The following ZNF611 variants were observed in gnomAD, a reference collection of about 807,000 sequenced individuals.
ZNF611 encodes zinc finger protein 611.
A neutral mutation model predicts 8.9 loss-of-function variants in ZNF611; 6 were observed. The observed-to-expected ratio is 0.68, with a 90% CI of 0.37 to 1.34. The LOEUF is 1.34. ZNF611 is among the 40% of genes most tolerant of loss of function. The pLI is 0.02. For synonymous variants in ZNF611, 262 were observed against 279.7 expected (o/e 0.94, Z 0.63); for missense variants, 874 against 841.3 (o/e 1.04, Z -0.48).
At chr19:52,709,617 G>A (rs2062267225) in intron 5 of ZNF611, among the ~76,000 whole-genome samples, 1 of 150,782 alleles carries the variant, frequency 6.6e-6, no homozygotes, top group South Asian at 2.1e-4. Flanking sequence ...GCCCAGGCTG[G>A]AGTGCAATAG....
chr19:52,734,187 G>GT (rs532673029), intron 1 of ZNF611, among the ~76,000 whole-genome samples: 1,187 of 84,604 alleles, frequency 0.014, 11 homozygotes, highest in Middle Eastern at 0.034. Flanking sequence ...GCTTTCTTAG[G>GT]TTTTTTTTTT....
chr19:52,722,007 GC>G (rs1192988955), intron 3 of ZNF611, among the ~76,000 whole-genome samples: 4 of 152,014 alleles, frequency 2.6e-5, no homozygotes, highest in Non-Finnish European at 5.9e-5. Context: ...CCAAGATTGT[GC>G]CATTGCACTC....
chr19:52,706,928 A>G (rs2062249988), intron 5 of ZNF611, 64 bp from the exon 6 acceptor site: 2 of 1,538,314 alleles, frequency 1.3e-6, no homozygotes, highest in African/African-American at 1.4e-5. Flanking sequence ...ACTGAAGTGC[A>G]TAAATATGAC....
Position 52,706,015 on chromosome 19 carries a change from TC to T in ZNF611, c.1039del (p.Glu347AsnfsTer152). On this transcript the variant is annotated frameshift_variant, in exon 6 of 6. Transcript: ENST00000652185. LOFTEE classifies it low-confidence loss of function (END_TRUNC). ...TTGTTGATTAAAAGCCTTGTCACAT[TC>T]ATTACACTTGTAAGGATTTTCTCCA... ...DTGENPYKCN[E>X]CDKAFNQQSQ... 6.2e-7 allele frequency: 1 copy of T among 1,614,206 alleles called. No homozygotes were observed. The highest frequency in any genetic ancestry group is 8.5e-7 in the Non-Finnish European group (1 of 1,180,036).
At chr19:52,717,441 AG>A (rs565582371) in intron 3 of ZNF611, among the ~76,000 whole-genome samples, 2 of 152,198 alleles carry the variant, frequency 1.3e-5, no homozygotes, top group Admixed American at 6.5e-5. Context: ...GCCCTGAGAC[AG>A]GAGCAACCTC....
intron 3 of ZNF611, among the ~76,000 whole-genome samples, chr19:52,726,141 C>T (rs7260293): frequency 0.65 from 98,503 of 152,114 alleles, 32,472 homozygotes; most frequent in African/African-American, 0.77. Flanking sequence ...AGGGAGAGTC[C>T]ACCCTGTGCT....
chr19:52,716,417 T>C (rs902304461), intron 3 of ZNF611, among the ~76,000 whole-genome samples: 3 of 152,180 alleles, frequency 2.0e-5, no homozygotes, highest in Non-Finnish European at 4.4e-5. Context: ...ATGCCTCGAC[T>C]CTAACGTGAA....
In ZNF611 at chr19:52,725,432, A is replaced by G. The variant is rs143694965; in HGVS notation, c.-20+3298T>C. On this transcript the variant is annotated intron_variant, in intron 3 of 5. Coordinates refer to ENST00000652185, the MANE Select transcript of ZNF611 (RefSeq NM_001161499.2). ...GCGGGAATCCAGCGCACGGGTGAGG[A>G]CTTTAAAAAGCAAGGGGCAGGATGA... Among the ~76,000 whole-genome samples, 721 of 152,292 alleles carry G rather than the reference A, an allele frequency of 4.7e-3. 5 individuals carry two copies. The highest frequency in any genetic ancestry group is 0.016 in the African/African-American group (682 of 41,568).
intron 2 of ZNF611, among the ~76,000 whole-genome samples, chr19:52,729,533 AG>A: frequency 6.6e-6 from 1 of 151,314 alleles, no homozygotes. Flanking sequence ...AGAAAGAAAA[AG>A]AAAACAATGT....
chr19:52,726,507 A>G (rs1355220063), intron 3 of ZNF611, among the ~76,000 whole-genome samples: 11 of 151,580 alleles, frequency 7.3e-5, no homozygotes, highest in Non-Finnish European at 1.5e-4. Context: ...TGCAAGCTCC[A>G]CCTCCCGGGT....
At position 52,705,988 on chromosome 19, in the gene ZNF611, G is replaced by A; in HGVS notation, c.1067C>T (p.Ser356Leu). ...NECDKAFNQQ[S>L]QLSHHRIHTG... is the part of the protein sequence containing the mutation. Reference sequence around the variant, plus strand: ...ATGAATTCTATGATGTGAAAGTTGTGATTGTTGATTAAAAGCCTTGTCACA... The same window carrying A: ...ATGAATTCTATGATGTGAAAGTTGTAATTGTTGATTAAAAGCCTTGTCACA... The change falls in exon 6 of 6, where the codon TCA becomes TTA. Residue 356 changes from serine to leucine, a missense_variant. Physicochemically the swap from Ser to Leu is moderately radical, Grantham distance 145. Coordinates refer to ENST00000652185, the MANE Select transcript of ZNF611 (RefSeq NM_001161499.2). 1 of 1,614,108 alleles carries A rather than the reference G, an allele frequency of 6.2e-7. No individual in the cohort carries two copies. Among genetic ancestry groups the A allele is most frequent in the Middle Eastern group, 1.6e-4 (1 of 6,062 alleles).
At chr19:52,713,407 T>C (rs1023217614) in intron 5 of ZNF611, among the ~76,000 whole-genome samples, 5 of 152,210 alleles carry the variant, frequency 3.3e-5, no homozygotes, top group South Asian at 4.1e-4. Flanking sequence ...GTGACACATA[T>C]TGGTGTGAAA....
chr19:52,730,826 C>T (rs1018144862), intron 1 of ZNF611, among the ~76,000 whole-genome samples: 3 of 152,188 alleles, frequency 2.0e-5, no homozygotes, highest in South Asian at 4.2e-4. Flanking sequence ...TCAGGTGATT[C>T]ACCCGCATCA....
Position 52,705,993 on chromosome 19 carries a change from T to C in ZNF611, c.1062A>G (p.Gln354=), listed in dbSNP as rs1197890629. The C allele has an allele frequency of 1.2e-6, 2 of 1,614,174 alleles. No homozygotes were observed. Among genetic ancestry groups the C allele is most frequent in the South Asian group, 1.1e-5 (1 of 91,084 alleles). Residue 354 remains glutamine, a synonymous_variant, in exon 6 of 6, where the codon CAA becomes CAG. Transcript: ENST00000652185. The part of the protein sequence containing the change: ...KCNECDKAFN[Q]QSQLSHHRIH... ...TTCTATGATGTGAAAGTTGTGATTGTTGATTAAAAGCCTTGTCACATTCAT... is the reference window on the plus strand; with the variant it reads ...TTCTATGATGTGAAAGTTGTGATTGCTGATTAAAAGCCTTGTCACATTCAT...
Position 52,727,560 on chromosome 19 carries a change from A to C in ZNF611, c.-20+1170T>G, listed in dbSNP as rs185800323. Among the ~76,000 whole-genome samples, 7 of 152,272 alleles carry C rather than the reference A, an allele frequency of 4.6e-5. No homozygotes were observed. In the East Asian group the frequency reaches 1.2e-3, roughly 25 times the overall value. On this transcript the variant is annotated intron_variant, in intron 3 of 5. Transcript: ENST00000652185. Reference sequence around the variant, plus strand: ...GGGAGAAACCCTAACACTAACCCTAACACAAAAATTAGCTGGACGTGGTGG... The same window carrying C: ...GGGAGAAACCCTAACACTAACCCTACCACAAAAATTAGCTGGACGTGGTGG...
At chr19:52,732,370 T>C (rs371277896) in intron 1 of ZNF611, among the ~76,000 whole-genome samples, 1 of 76,402 alleles carries the variant, frequency 1.3e-5, no homozygotes, top group Admixed American at 1.2e-4. Context: ...TGAGTTATTC[T>C]GAATAACTCA....
At position 52,728,749 on chromosome 19, in the gene ZNF611, C is replaced by G. The variant is rs1465597722; in HGVS notation, c.-39G>C. On this transcript the variant is annotated 5_prime_UTR_variant, in exon 3 of 6. Transcript: ENST00000652185. Reference sequence around the variant, plus strand: ...ACTCACCCAAGCTGGAGTGTGGTGGCAAAAACAGGGCTCACTGCAGCCTTC... The same window carrying G: ...ACTCACCCAAGCTGGAGTGTGGTGGGAAAAACAGGGCTCACTGCAGCCTTC... The G allele has an allele frequency of 2.6e-5, 4 of 153,904 alleles. No individual in the cohort carries two copies. The highest frequency in any genetic ancestry group is 4.8e-5 in the African/African-American group (2 of 41,426). 9.5% of individuals were successfully genotyped at this position (153,904 alleles called of 1,614,324 possible). A position where few individuals can be genotyped will look rare whatever the true frequency, so the allele number is the denominator to read the frequency against.
chr19:52,727,367 G>A (rs536601395), intron 3 of ZNF611, among the ~76,000 whole-genome samples: 11 of 152,174 alleles, frequency 7.2e-5, no homozygotes, highest in South Asian at 2.1e-4. Context: ...AGAAAGAAAC[G>A]TCACTGTTAC....
At chr19:52,730,515 T>A (rs1210649550) in intron 1 of ZNF611, among the ~76,000 whole-genome samples, 2 of 151,046 alleles carry the variant, frequency 1.3e-5, no homozygotes, top group Admixed American at 1.3e-4. Flanking sequence ...AGATGGGGCC[T>A]GTGAGAGAAT....
Sources: allele counts gnomAD v4.1 joint callset (sites outside exome capture counted in the v4.1 genomes callset), GRCh38; gene constraint gnomAD v4.1.1; transcripts MANE v1.5; gene names NCBI Gene and HGNC (gene_info 2026-07-23, HGNC 2026-07-21).